MAPK10: variants seen among roughly 807,000 people sequenced by gnomAD.
The protein encoded by MAPK10 is JNK3 alpha protein kinase.
MAPK10 carries 25 observed loss-of-function variants against 59.3 expected under a neutral mutation model. That is an observed-to-expected ratio of 0.42 (90% CI 0.31 to 0.59). The LOEUF (loss-of-function observed/expected upper bound fraction) is 0.59, where lower values mean the gene tolerates loss of function less well. Among genes scored for constraint, MAPK10 ranks in the 20% least tolerant of loss-of-function variants. MAPK10 has a pLI of 0.15. For synonymous variants in MAPK10, 190 were observed against 200.5 expected (o/e 0.95, Z 0.44); for missense variants, 351 against 568.9 (o/e 0.62, Z 3.90).
intron 11 of MAPK10, among the ~76,000 whole-genome samples, chr4:86,035,925 C>T (rs2040198943): frequency 6.6e-6 from 1 of 152,084 alleles, no homozygotes; most frequent in African/African-American, 2.4e-5. Flanking sequence ...TTTGTTGAAA[C>T]TATGACAGTG....
chr4:86,141,549 A>G (rs2063649803), intron 4 of MAPK10, among the ~76,000 whole-genome samples: 1 of 152,214 alleles, frequency 6.6e-6, no homozygotes. Context: ...AGAAATTAAC[A>G]TTGCGCTATA....
intron 9 of MAPK10, chr4:86,089,460 C>T (rs2052633293): frequency 3.9e-6 from 2 of 511,810 alleles, no homozygotes; most frequent in Non-Finnish European, 6.9e-6. Context: ...GCTCTCAAGG[C>T]CCTTTTCTGT....
chr4:86,567,870 A>G (rs1219060512), intron 1 of MAPK10, among the ~76,000 whole-genome samples: 1 of 152,200 alleles, frequency 6.6e-6, no homozygotes, highest in African/African-American at 2.4e-5. Flanking sequence ...ATCTCCTAAA[A>G]TATATGTGAA....
chr4:86,484,701 G>A (rs1432410040), intron 1 of MAPK10, among the ~76,000 whole-genome samples: 1 of 151,998 alleles, frequency 6.6e-6, no homozygotes, highest in Non-Finnish European at 1.5e-5. Context: ...ATCTTTATGT[G>A]AACCAGACAA....
chr4:86,381,376 C>T (rs553333316), intron 1 of MAPK10, among the ~76,000 whole-genome samples: 1 of 152,306 alleles, frequency 6.6e-6, no homozygotes, highest in East Asian at 1.9e-4. Context: ...AGGCTCTCCA[C>T]AGACTGCTGC....
At chr4:86,068,458 AT>A (rs1320256727) in intron 9 of MAPK10, among the ~76,000 whole-genome samples, 1 of 151,968 alleles carries the variant, frequency 6.6e-6, no homozygotes, top group African/African-American at 2.4e-5. Flanking sequence ...AAAATCTGGA[AT>A]TTTTTTCTAT....
intron 2 of MAPK10, among the ~76,000 whole-genome samples, chr4:86,257,972 G>C (rs994371480): frequency 6.6e-6 from 1 of 152,118 alleles, no homozygotes; most frequent in Non-Finnish European, 1.5e-5. Context: ...CAGTTCAGCT[G>C]TATATTCATT....
chr4:86,029,434 G>T, intron 12 of MAPK10, 160 bp from the exon 13 acceptor site: 1 of 591,816 alleles, frequency 1.7e-6, no homozygotes, highest in South Asian at 2.1e-5. Flanking sequence ...ATATTGCCTT[G>T]TAATTAGCAG....
chr4:86,547,978 GGGT>G (rs1449853141), intron 1 of MAPK10, among the ~76,000 whole-genome samples: 2 of 152,182 alleles, frequency 1.3e-5, no homozygotes, highest in Non-Finnish European at 2.9e-5. Flanking sequence ...AGCAGGATGT[GGGT>G]GGAGCCAGAC....
chr4:86,127,974 G>A (rs1160417116), intron 4 of MAPK10, among the ~76,000 whole-genome samples: 1 of 151,830 alleles, frequency 6.6e-6, no homozygotes, highest in Admixed American at 6.6e-5. Flanking sequence ...TTATTTTATT[G>A]TAGTGTTACT....
intron 2 of MAPK10, among the ~76,000 whole-genome samples, chr4:86,196,002 T>C (rs2081220076): frequency 6.6e-6 from 1 of 152,262 alleles, no homozygotes; most frequent in Non-Finnish European, 1.5e-5. Flanking sequence ...AAGTCTTTGC[T>C]ATTGTGAACA....
chr4:86,154,604 G>A (rs1389579643), intron 4 of MAPK10, among the ~76,000 whole-genome samples: 4 of 151,924 alleles, frequency 2.6e-5, no homozygotes, highest in South Asian at 2.1e-4. Context: ...TAAAAGTCAC[G>A]ACAATTTCAG....
At chr4:86,102,380 C>G (rs574308088) in intron 6 of MAPK10, 1 of 207,462 alleles carries the variant, frequency 4.8e-6, no homozygotes, top group Non-Finnish European at 9.8e-6. Flanking sequence ...TTCAATGTAT[C>G]TGTATTAAAG....
At chr4:86,586,543 A>T (rs1398768882) in intron 1 of MAPK10, among the ~76,000 whole-genome samples, 1 of 152,248 alleles carries the variant, frequency 6.6e-6, no homozygotes, top group African/African-American at 2.4e-5. Flanking sequence ...ATCCACATTA[A>T]CGTGTGAAGA....
chr4:86,431,707 G>GA (rs1748068939), intron 1 of MAPK10, among the ~76,000 whole-genome samples: 1 of 152,130 alleles, frequency 6.6e-6, no homozygotes, highest in South Asian at 2.1e-4. Context: ...AGGAGTAAAG[G>GA]AAACAGGAAT....
At position 86,015,410 on chromosome 4, in the gene MAPK10, C is replaced by T. The variant is rs561495255; in HGVS notation, c.*1818G>A. 6.6e-6 allele frequency: 1 copy of T among 152,218 alleles called. No homozygotes were observed. The allele number at this position is 152,218 out of a possible 1,614,324, so 9.4% of individuals were successfully genotyped here. Reference sequence around the variant, plus strand: ...TATTCTATTTGCCAATCAGTTCACACTCATCAACCATCCACTTCCTGTCTT... The same window carrying T: ...TATTCTATTTGCCAATCAGTTCACATTCATCAACCATCCACTTCCTGTCTT... On this transcript the variant is annotated 3_prime_UTR_variant, in exon 14 of 14. Transcript: ENST00000641462.
At chr4:86,492,604 G>T (rs1378819030) in intron 1 of MAPK10, among the ~76,000 whole-genome samples, 2 of 152,248 alleles carry the variant, frequency 1.3e-5, no homozygotes, top group Middle Eastern at 3.4e-3. Flanking sequence ...AATAATTTTT[G>T]CTTATTTCCC....
At chr4:86,413,320 G>A (rs992228124) in intron 1 of MAPK10, among the ~76,000 whole-genome samples, 12 of 152,110 alleles carry the variant, frequency 7.9e-5, no homozygotes, top group African/African-American at 2.7e-4. Flanking sequence ...CGTGTCTGTC[G>A]GCCCCTACTG....
intron 3 of MAPK10, among the ~76,000 whole-genome samples, chr4:86,180,319 A>G (rs1237195728): frequency 6.6e-6 from 1 of 152,010 alleles, no homozygotes; most frequent in Admixed American, 6.6e-5. Flanking sequence ...TATTATAAAA[A>G]GGACAAAAAA....
Sources: gnomAD v4.1 joint callset for allele counts (sites outside exome capture counted in the v4.1 genomes callset) on GRCh38, gnomAD v4.1.1 for gene constraint, MANE v1.5 for transcripts, NCBI Gene and HGNC (gene_info 2026-07-23, HGNC 2026-07-21) for gene names.